The following HDAC9 variants were observed in gnomAD, a reference collection of about 807,000 sequenced individuals.
The protein encoded by HDAC9 is MEF-2 interacting transcription repressor (MITR) protein.
Under a neutral mutation model 139.4 loss-of-function variants are expected in HDAC9, and 41 were observed. The observed-to-expected ratio is 0.29, with a 90% CI of 0.23 to 0.38. HDAC9 has a LOEUF of 0.38. Ranked by LOEUF, HDAC9 falls within the 10% of genes least tolerant of loss-of-function variation. The pLI is 1.00. For missense variants in HDAC9, 1,147 were observed against 1,297.0 expected, an observed-to-expected ratio of 0.88 and a Z score of 1.78; for synonymous variants, 517 against 476.2, an observed-to-expected ratio of 1.09 and a Z score of -1.12.
Position 18,540,629 on chromosome 7 carries a change from TAAAC to T in HDAC9, c.22+44309_22+44312del, listed in dbSNP as rs145051887. Among the ~76,000 whole-genome samples the T allele has an allele frequency of 4.2e-3, 638 of 152,324 alleles. 5 individuals carry two copies. Among genetic ancestry groups the T allele is most frequent in the Middle Eastern group, 0.014 (4 of 294 alleles). On this transcript the variant is annotated intron_variant, in intron 2 of 25. Coordinates refer to ENST00000686413, the MANE Select transcript of HDAC9 (RefSeq NM_178425.4). ...TTTCAAGATAATGTTGGTACTCTATTAAACAAAATGAATTATGATGACATAAGTT... is the reference window on the plus strand; with the variant it reads ...TTTCAAGATAATGTTGGTACTCTATTAAAATGAATTATGATGACATAAGTT...
At position 18,977,016 on chromosome 7, in the gene HDAC9, T is replaced by C. The variant is rs138302533; in HGVS notation, c.3170+1063T>C. The stretch of plus-strand genomic sequence containing the variant: ...AGAGTTTAATGGATTTAACATCTTG[T>C]TTTGGCCAAGAACAGGAGATAAAAT... On this transcript the variant is annotated intron_variant, in intron 25 of 25. Coordinates refer to ENST00000686413, the MANE Select transcript of HDAC9 (RefSeq NM_178425.4). 3.7e-3 allele frequency among the ~76,000 whole-genome samples: 557 copies of C among 152,314 alleles called. 1 individual carries two copies. The highest frequency in any genetic ancestry group is 0.012 in the African/African-American group (512 of 41,576).
chr7:18,788,841 C>A (rs372673098), intron 16 of HDAC9, among the ~76,000 whole-genome samples: 1 of 151,574 alleles, frequency 6.6e-6, no homozygotes, highest in Non-Finnish European at 1.5e-5. Context: ...TTTTCTCTCT[C>A]GTTTGCTCAC....
intron 2 of HDAC9, among the ~76,000 whole-genome samples, chr7:18,222,720 A>G (rs1342081132): frequency 6.6e-6 from 1 of 151,970 alleles, no homozygotes; most frequent in Non-Finnish European, 1.5e-5. Flanking sequence ...ACTATTCTTT[A>G]TTTTGCTTTT....
At chr7:18,356,504 G>C (rs1463054590) in intron 1 of HDAC9, among the ~76,000 whole-genome samples, 1 of 151,542 alleles carries the variant, frequency 6.6e-6, no homozygotes, top group Non-Finnish European at 1.5e-5. Context: ...AGTGACTCCT[G>C]CGAATGAATC....
intron 1 of HDAC9, among the ~76,000 whole-genome samples, chr7:18,386,921 C>A (rs1050790393): frequency 6.6e-6 from 1 of 152,162 alleles, no homozygotes; most frequent in Admixed American, 6.5e-5. Flanking sequence ...GATTCTCTCC[C>A]TTCAGCTCTC....
At chr7:18,862,273 A>C (rs1438961910) in intron 21 of HDAC9, among the ~76,000 whole-genome samples, 1 of 152,146 alleles carries the variant, frequency 6.6e-6, no homozygotes, top group Non-Finnish European at 1.5e-5. Context: ...GAGAAAGAGA[A>C]TGTGAAGGGG....
chr7:18,224,760 T>C (rs1792938813), intron 2 of HDAC9, among the ~76,000 whole-genome samples: 1 of 151,942 alleles, frequency 6.6e-6, no homozygotes, highest in South Asian at 2.1e-4. Flanking sequence ...GTATAAGAAA[T>C]TGAATTCCTA....
intron 3 of HDAC9, among the ~76,000 whole-genome samples, chr7:18,589,080 AG>A (rs1019955871): frequency 6.6e-6 from 1 of 152,180 alleles, no homozygotes; most frequent in African/African-American, 2.4e-5. Flanking sequence ...CGAGTAGTTT[AG>A]TAACTTGTCC....
intron 12 of HDAC9, among the ~76,000 whole-genome samples, chr7:18,707,696 A>T (rs55776524): frequency 0.13 from 19,918 of 152,122 alleles, 1,410 homozygotes; most frequent in East Asian, 0.19. Flanking sequence ...ATGGGCAATT[A>T]TTATTTTCCT....
At chr7:18,560,184 A>G (rs1820144809) in intron 2 of HDAC9, among the ~76,000 whole-genome samples, 1 of 152,198 alleles carries the variant, frequency 6.6e-6, no homozygotes, top group South Asian at 2.1e-4. Context: ...GATCTGACAT[A>G]ATATTAGGTA....
intron 21 of HDAC9, among the ~76,000 whole-genome samples, chr7:18,855,782 G>T (rs1797628814): frequency 1.3e-5 from 2 of 152,010 alleles, no homozygotes; most frequent in Admixed American, 6.6e-5. Flanking sequence ...TAACCAAACG[G>T]TAGCTGATTC....
At chr7:18,634,194 A>C (rs533885145) in intron 7 of HDAC9, among the ~76,000 whole-genome samples, 1 of 151,932 alleles carries the variant, frequency 6.6e-6, no homozygotes, top group Non-Finnish European at 1.5e-5. Flanking sequence ...CATTTGAACA[A>C]TTTTTTTCAG....
In HDAC9 at chr7:18,834,844, A is replaced by T. The variant is rs545222551; in HGVS notation, c.2467-623A>T. Among the ~76,000 whole-genome samples, 47 of 152,196 alleles carry T rather than the reference A, an allele frequency of 3.1e-4. 1 individual carries two copies. The highest frequency in any genetic ancestry group is 3.1e-3 in the Admixed American group (47 of 15,274). On this transcript the variant is annotated intron_variant, in intron 19 of 25. Coordinates refer to ENST00000686413, the MANE Select transcript of HDAC9 (RefSeq NM_178425.4). ...TGAACTGAACGCTTCAAGAAAGCCAATTTATTCAGCTGGTTGCAAAGCCTT... is the reference window on the plus strand; with the variant it reads ...TGAACTGAACGCTTCAAGAAAGCCATTTTATTCAGCTGGTTGCAAAGCCTT...
intron 6 of HDAC9, among the ~76,000 whole-genome samples, chr7:18,616,757 C>T (rs1303599442): frequency 2.0e-5 from 3 of 152,148 alleles, no homozygotes; most frequent in African/African-American, 4.8e-5. Flanking sequence ...GGTATTTGAA[C>T]TGGGGAGAGG....
chr7:18,634,304 G>A (rs1373784516), intron 7 of HDAC9, among the ~76,000 whole-genome samples: 1 of 151,198 alleles, frequency 6.6e-6, no homozygotes, highest in African/African-American at 2.4e-5. Flanking sequence ...AATAGCATAA[G>A]AGCAAGTAAG....
intron 2 of HDAC9, chr7:18,162,355 T>C (rs950434141): frequency 1.3e-6 from 2 of 1,534,512 alleles, no homozygotes; most frequent in Admixed American, 3.9e-5. Context: ...GCCTGGTCAG[T>C]CTGGTTGCTT....
intron 1 of HDAC9, among the ~76,000 whole-genome samples, chr7:18,299,828 A>G (rs1798415310): frequency 6.6e-6 from 1 of 152,146 alleles, no homozygotes; most frequent in Admixed American, 6.5e-5. Flanking sequence ...AAGGCTACCA[A>G]TCCACCTTCA....
At position 18,614,063 on chromosome 7, in the gene HDAC9, T is replaced by C. The variant is rs187785812; in HGVS notation, c.665-15287T>C. Among the ~76,000 whole-genome samples the C allele has an allele frequency of 2.6e-5, 4 of 152,262 alleles. No homozygotes were observed. In the East Asian group the frequency reaches 7.7e-4, roughly 29 times the overall value. On this transcript the variant is annotated intron_variant, in intron 6 of 25. Coordinates refer to ENST00000686413, the MANE Select transcript of HDAC9 (RefSeq NM_178425.4). ...TCTTAAAGACTTTGATCCTACTTCT[T>C]ATTCATTCTAACCAGTAGTCGTTTC...
chr7:18,278,807 A>G (rs1679402825), intron 2 of HDAC9, among the ~76,000 whole-genome samples: 1 of 152,170 alleles, frequency 6.6e-6, no homozygotes, highest in Non-Finnish European at 1.5e-5. Flanking sequence ...TTTGATTTTA[A>G]AAGATCACTT....
Sources: allele counts gnomAD v4.1 joint callset (sites outside exome capture counted in the v4.1 genomes callset), GRCh38; gene constraint gnomAD v4.1.1; transcripts MANE v1.5; gene names NCBI Gene and HGNC (gene_info 2026-07-23, HGNC 2026-07-21).